DCC: variants seen among roughly 807,000 people sequenced by gnomAD.
DCC encodes the protein DCC netrin 1 receptor.
Under a neutral mutation model 172.5 loss-of-function variants are expected in DCC, and 58 were observed. That is an observed-to-expected ratio of 0.34 (90% CI 0.27 to 0.42). The LOEUF (loss-of-function observed/expected upper bound fraction) is 0.42, where lower values mean the gene tolerates loss of function less well. DCC is among the 10% of genes least tolerant of loss of function. The pLI, the probability that DCC is intolerant of heterozygous loss-of-function variation, is 1.00. For synonymous variants in DCC, 709 were observed against 644.5 expected, an observed-to-expected ratio of 1.10 and a Z score of -1.52; for missense variants, 1,740 against 1,791.0, an observed-to-expected ratio of 0.97 and a Z score of 0.51.
chr18:52,642,495 T>G (rs1335325038), intron 1 of DCC, among the ~76,000 whole-genome samples: 1 of 152,224 alleles, frequency 6.6e-6, no homozygotes, highest in South Asian at 2.1e-4. Context: ...TTTTAAAAAT[T>G]AAACTTGCTC....
Position 52,981,544 on chromosome 18 carries a change from G to A in DCC, c.985+56174G>A, listed in dbSNP as rs146485797. ...ATTGGAAAAAAAAAAATTGTCCTTT[G>A]AAAATTGGTCTCATTAGGAGCTTAT... On this transcript the variant is annotated intron_variant, in intron 5 of 28. Transcript: ENST00000442544. Among the ~76,000 whole-genome samples, 5 of 151,952 alleles carry A rather than the reference G, an allele frequency of 3.3e-5. No homozygotes were observed. The East Asian group carries it at 7.8e-4, about 24-fold the overall frequency.
intron 1 of DCC, among the ~76,000 whole-genome samples, chr18:52,342,046 C>T (rs955929381): frequency 6.6e-6 from 1 of 152,170 alleles, no homozygotes; most frequent in Non-Finnish European, 1.5e-5. Flanking sequence ...TCCGCAGCTC[C>T]GGCTTTCTCT....
intron 5 of DCC, among the ~76,000 whole-genome samples, chr18:52,965,711 A>G (rs2040918315): frequency 6.6e-6 from 1 of 152,182 alleles, no homozygotes; most frequent in Admixed American, 6.5e-5. Flanking sequence ...TATCCCACAC[A>G]CACATTTTTA....
chr18:52,911,878 C>T (rs1040569799), intron 3 of DCC, among the ~76,000 whole-genome samples: 1 of 151,840 alleles, frequency 6.6e-6, no homozygotes, highest in African/African-American at 2.4e-5. Context: ...ATTTCTTGTG[C>T]TCCTCTCATA....
intron 1 of DCC, among the ~76,000 whole-genome samples, chr18:52,634,642 A>G (rs914806711): frequency 6.6e-5 from 10 of 152,202 alleles, no homozygotes; most frequent in African/African-American, 2.2e-4. Context: ...TCTAATGACA[A>G]TCATTATTAC....
chr18:53,173,878 T>C (rs1271614751), intron 8 of DCC, among the ~76,000 whole-genome samples: 1 of 122,320 alleles, frequency 8.2e-6, no homozygotes, highest in Admixed American at 9.0e-5. Flanking sequence ...GAATATACAT[T>C]TTTTTCAGCA....
rs765539098 is a variant in DCC, at chr18:53,203,407, G to GA, written c.1574-1801dup. Among the ~76,000 whole-genome samples the GA allele has an allele frequency of 9.5e-4, 143 of 151,032 alleles. 1 individual carries two copies. Among genetic ancestry groups the GA allele is most frequent in the African/African-American group, 1.4e-3 (57 of 41,154 alleles). On this transcript the variant is annotated intron_variant, in intron 9 of 28. Transcript: ENST00000442544. Reference sequence around the variant, plus strand: ...TTAATACCTTTTTAATGGCAAGAAGGAAAAAAAACACAGTAATTTGTAAAG... The same window carrying GA: ...TTAATACCTTTTTAATGGCAAGAAGGAAAAAAAAACACAGTAATTTGTAAAG...
intron 15 of DCC, among the ~76,000 whole-genome samples, chr18:53,340,327 A>G (rs1157551091): frequency 1.3e-5 from 2 of 152,090 alleles, no homozygotes; most frequent in East Asian, 3.9e-4. Context: ...TGTTCTGTTA[A>G]TTTTTCTTTA....
intron 1 of DCC, among the ~76,000 whole-genome samples, chr18:52,356,253 A>C (rs1159314744): frequency 7.2e-5 from 11 of 152,156 alleles, no homozygotes; most frequent in Non-Finnish European, 2.9e-5. Context: ...CTGCATTTTG[A>C]ACTTGGAAAT....
At chr18:52,733,493 C>A (rs2036677846) in intron 1 of DCC, among the ~76,000 whole-genome samples, 1 of 151,952 alleles carries the variant, frequency 6.6e-6, no homozygotes, top group Non-Finnish European at 1.5e-5. Flanking sequence ...ATAAACACCG[C>A]CTTTTTTTGT....
At chr18:53,101,865 T>A (rs942325049) in intron 7 of DCC, among the ~76,000 whole-genome samples, 2 of 151,440 alleles carry the variant, frequency 1.3e-5, no homozygotes, top group Non-Finnish European at 2.9e-5. Context: ...GTGTTGACAT[T>A]GATTTCTCTC....
Position 53,532,023 on chromosome 18 carries a change from T to C in DCC, c.*1370T>C, listed in dbSNP as rs1395711251. The stretch of plus-strand genomic sequence containing the variant: ...ATGCAGCATTTTAGTTTCTGAATTT[T>C]CAGCTGCATTTGGAGTTAATCCCTG... On this transcript the variant is annotated 3_prime_UTR_variant, in exon 29 of 29. Coordinates refer to ENST00000442544, the MANE Select transcript of DCC (RefSeq NM_005215.4). The C allele has an allele frequency of 6.6e-6, 1 of 152,234 alleles. No individual in the cohort carries two copies. The highest frequency in any genetic ancestry group is 1.5e-5 in the Non-Finnish European group (1 of 68,044). The allele number at this position is 152,234 out of a possible 1,614,324, so 9.4% of individuals were successfully genotyped here. A position where few individuals can be genotyped will look rare whatever the true frequency, so the allele number is the denominator to read the frequency against.
At chr18:53,315,429 G>T (rs886397454) in intron 13 of DCC, among the ~76,000 whole-genome samples, 1 of 152,160 alleles carries the variant, frequency 6.6e-6, no homozygotes, top group African/African-American at 2.4e-5. Flanking sequence ...ACATACATGT[G>T]CATGTGTCTT....
chr18:52,982,974 A>C (rs888089458), intron 5 of DCC, among the ~76,000 whole-genome samples: 1 of 152,182 alleles, frequency 6.6e-6, no homozygotes, highest in African/African-American at 2.4e-5. Context: ...ATGGATCATC[A>C]GTATCTCCTG....
At chr18:53,241,669 C>G (rs747498654) in intron 12 of DCC, among the ~76,000 whole-genome samples, 2 of 152,134 alleles carry the variant, frequency 1.3e-5, no homozygotes, top group African/African-American at 2.4e-5. Context: ...AATGATGGTG[C>G]CTGGGCTGGA....
rs552341370 is a variant in DCC at position 52,423,962 on chromosome 18, C to G, written c.91+83084C>G. Among the ~76,000 whole-genome samples, 14 of 152,212 alleles carry G rather than the reference C, an allele frequency of 9.2e-5. 1 individual carries two copies. In the South Asian group the frequency reaches 2.9e-3, roughly 32 times the overall value. On this transcript the variant is annotated intron_variant, in intron 1 of 28. Coordinates refer to ENST00000442544, the MANE Select transcript of DCC (RefSeq NM_005215.4). ...TTTCGCTTCCGTTCCGATAATGTCTCTAGGACCAAGAATGGTTTCTTGTTC... is the reference window on the plus strand; with the variant it reads ...TTTCGCTTCCGTTCCGATAATGTCTGTAGGACCAAGAATGGTTTCTTGTTC...
intron 15 of DCC, among the ~76,000 whole-genome samples, chr18:53,349,694 AAGAG>A (rs1405667975): frequency 1.3e-5 from 2 of 152,234 alleles, no homozygotes; most frequent in Non-Finnish European, 2.9e-5. Flanking sequence ...AGCAGGCCAA[AAGAG>A]AGCTTGTGCA....
At chr18:53,233,660 G>A (rs557393373) in intron 12 of DCC, among the ~76,000 whole-genome samples, 10 of 152,212 alleles carry the variant, frequency 6.6e-5, no homozygotes, top group South Asian at 6.2e-4. Flanking sequence ...AAACTCTTCC[G>A]AGTTACCTTT....
intron 15 of DCC, among the ~76,000 whole-genome samples, chr18:53,372,101 CCTATTA>C (rs2058064675): frequency 6.6e-6 from 1 of 152,086 alleles, no homozygotes; most frequent in African/African-American, 2.4e-5. Flanking sequence ...ACTGAGCAAT[CCTATTA>C]CTGGAAATAT....
Sources: gnomAD v4.1 joint callset for allele counts (sites outside exome capture counted in the v4.1 genomes callset) on GRCh38, gnomAD v4.1.1 for gene constraint, MANE v1.5 for transcripts, NCBI Gene and HGNC (gene_info 2026-07-23, HGNC 2026-07-21) for gene names.